Variants in CYP4Z1 observed in about 807,000 individuals in gnomAD.
CYP4Z1 encodes the protein cytochrome P450 family 4 subfamily Z member 1.
CYP4Z1 carries 41 observed loss-of-function variants against 54.2 expected under a neutral mutation model. The ratio of observed to expected loss-of-function variants is 0.76; its 90% confidence interval spans 0.59 to 0.98. The LOEUF is 0.98. Ranked by LOEUF, CYP4Z1 falls within the 50% of genes least tolerant of loss-of-function variation. The pLI, the probability that CYP4Z1 is intolerant of heterozygous loss-of-function variation, is 0.00. For synonymous variants in CYP4Z1, 163 were observed against 206.2 expected, an observed-to-expected ratio of 0.79 and a Z score of 1.79; for missense variants, 513 against 599.0, an observed-to-expected ratio of 0.86 and a Z score of 1.50.
intron 9 of CYP4Z1, among the ~76,000 whole-genome samples, chr1:47,114,858 C>T (rs1644818427): frequency 6.6e-6 from 1 of 152,204 alleles, no homozygotes; most frequent in South Asian, 2.1e-4. Flanking sequence ...GGACTGTAAA[C>T]TAGTTCAACC....
the CYP4Z1 span, among the ~76,000 whole-genome samples, chr1:47,059,034 A>C: frequency 6.6e-6 from 1 of 152,202 alleles, no homozygotes; most frequent in African/African-American, 2.4e-5. Context: ...AGGCTAATAT[A>C]ATACAATATA....
chr1:47,062,711 T>C (rs9729443), upstream of CYP4Z1, among the ~76,000 whole-genome samples: 63,846 of 151,578 alleles, frequency 0.42, 14,802 homozygotes, highest in East Asian at 0.97. Context: ...AAAGGCTGAG[T>C]TTAAACATGC....
chr1:47,087,338 T>G (rs1407622972), intron 6 of CYP4Z1, among the ~76,000 whole-genome samples: 1 of 152,242 alleles, frequency 6.6e-6, no homozygotes, highest in East Asian at 1.9e-4. Flanking sequence ...CATGGAATGT[T>G]CTTCCATTTG....
intron 4 of CYP4Z1, among the ~76,000 whole-genome samples, chr1:47,084,136 G>A (rs1449775746): frequency 6.6e-6 from 1 of 152,084 alleles, no homozygotes; most frequent in Non-Finnish European, 1.5e-5. Flanking sequence ...TTTCTGTCTT[G>A]ACTCTTAACT....
chr1:47,055,625 A>G, the CYP4Z1 span, among the ~76,000 whole-genome samples: 16 of 152,194 alleles, frequency 1.1e-4, no homozygotes, highest in Admixed American at 2.6e-4. Context: ...CAGAGATTCA[A>G]CTTCTTCCTG....
chr1:47,067,728 A>G (rs1237242990), intron 1 of CYP4Z1, 61 bp downstream of exon 1: 13 of 1,455,124 alleles, frequency 8.9e-6, no homozygotes, highest in Non-Finnish European at 1.1e-5. Flanking sequence ...TTAAAAAAAA[A>G]CAGCACAGAC....
chr1:47,067,944 A>G (rs1206116561), intron 1 of CYP4Z1, among the ~76,000 whole-genome samples: 2 of 152,210 alleles, frequency 1.3e-5, no homozygotes, highest in Non-Finnish European at 2.9e-5. Flanking sequence ...CTTCTGATTC[A>G]AGGCCAAGGT....
At chr1:47,091,765 G>C (rs1013915001) in intron 6 of CYP4Z1, among the ~76,000 whole-genome samples, 26 of 149,036 alleles carry the variant, frequency 1.7e-4, no homozygotes, top group African/African-American at 6.4e-4. Context: ...GCTTTTTTTT[G>C]CTAGTAGAGC....
In CYP4Z1 at chr1:47,111,585, CAAAT is replaced by C. The variant is rs1238986290; in HGVS notation, c.1202-3940_1202-3937del. On this transcript the variant is annotated intron_variant, in intron 9 of 11. Coordinates refer to ENST00000334194, the MANE Select transcript of CYP4Z1 (RefSeq NM_178134.3). ...CTTTCAAAGACCTACGCAAACCAAACAAATAAAGTATACAGACGATCTAAACAAT... is the reference window on the plus strand; with the variant it reads ...CTTTCAAAGACCTACGCAAACCAAACAAAGTATACAGACGATCTAAACAAT... 6.6e-5 allele frequency among the ~76,000 whole-genome samples: 10 copies of C among 152,270 alleles called. No individual in the cohort carries two copies. In the South Asian group the frequency reaches 1.0e-3, roughly 16 times the overall value.
intron 8 of CYP4Z1, among the ~76,000 whole-genome samples, chr1:47,102,127 A>G (rs1001642875): frequency 6.6e-6 from 1 of 152,080 alleles, no homozygotes; most frequent in Non-Finnish European, 1.5e-5. Flanking sequence ...CTTTACTTTC[A>G]GTCTATATGT....
upstream of CYP4Z1, among the ~76,000 whole-genome samples, chr1:47,062,687 A>G (rs550473426): frequency 6.6e-6 from 1 of 152,214 alleles, no homozygotes; most frequent in South Asian, 2.1e-4. Context: ...AGCTGCAGCA[A>G]GCCCCGCCCA....
At chr1:47,105,223 A>G (rs1321128460) in intron 8 of CYP4Z1, among the ~76,000 whole-genome samples, 1 of 152,082 alleles carries the variant, frequency 6.6e-6, no homozygotes, top group Non-Finnish European at 1.5e-5. Context: ...GTGGTGGGGA[A>G]TGTCACTGGG....
upstream of CYP4Z1, among the ~76,000 whole-genome samples, chr1:47,063,888 G>A (rs1255206415): frequency 1.3e-5 from 2 of 152,014 alleles, no homozygotes; most frequent in Non-Finnish European, 2.9e-5. Flanking sequence ...GAAGCTCAAA[G>A]AACACCTGGG....
At chr1:47,057,501 T>G in the CYP4Z1 span, among the ~76,000 whole-genome samples, 11 of 119,948 alleles carry the variant, frequency 9.2e-5, no homozygotes, top group Admixed American at 4.2e-4. Context: ...TTTAGCTTTT[T>G]TCATTTTTTT....
intron 2 of CYP4Z1, among the ~76,000 whole-genome samples, chr1:47,073,052 G>C (rs1489084822): frequency 2.3e-5 from 3 of 133,310 alleles, no homozygotes; most frequent in East Asian, 5.4e-4. Context: ...TTTTTCATCA[G>C]TCCAGACAGA....
chr1:47,107,005 A>G (rs1847223), intron 9 of CYP4Z1, among the ~76,000 whole-genome samples: 65,381 of 152,050 alleles, frequency 0.43, 15,410 homozygotes, highest in East Asian at 0.96. Flanking sequence ...TGATTGGGCA[A>G]TCTAATTAAA....
rs539294690 is a variant in CYP4Z1, at chr1:47,094,637, T to C, written c.844T>C (p.Trp282Arg). The stretch of plus-strand genomic sequence containing the variant: ...ACAAGATACTACTCAGAAAAGGCGC[T>C]GGGATTTTCTGGACATACTTTTGAG... The part of the protein sequence containing the change: ...LKQDTTQKRR[W>R]DFLDILLSAK... The change falls in exon 7 of 12, where the codon TGG becomes CGG. Residue 282 changes from tryptophan (W) to arginine (R), a missense_variant. Coordinates refer to ENST00000334194, the MANE Select transcript of CYP4Z1 (RefSeq NM_178134.3). 5.3e-5 allele frequency: 86 copies of C among 1,611,314 alleles called. No homozygotes were observed. Among genetic ancestry groups the C allele is most frequent in the African/African-American group, 1.3e-4 (10 of 74,818 alleles).
intron 2 of CYP4Z1, chr1:47,075,990 TA>T (rs1275325395): frequency 7.6e-6 from 1 of 130,758 alleles, no homozygotes; most frequent in Non-Finnish European, 1.6e-5. Context: ...CAGGGACCTG[TA>T]AGGTTCTGCA....
rs1240865751 is a variant in CYP4Z1, at chr1:47,068,606, ACTTAT to A, written c.178-10_178-6del. 9.9e-6 allele frequency: 16 copies of A among 1,613,340 alleles called. No homozygotes were observed. The highest frequency in any genetic ancestry group is 1.4e-5 in the Non-Finnish European group (16 of 1,179,640). ...TGACAACCTTTACTAACCAGTCATG[ACTTAT>A]CTTATGACAGTTTTACCCAGTAAAG... On this transcript the variant is annotated splice_polypyrimidine_tract_variant and intron_variant, in intron 1 of 11. Transcript: ENST00000334194.
Sources: allele counts gnomAD v4.1 joint callset (sites outside exome capture counted in the v4.1 genomes callset), GRCh38; gene constraint gnomAD v4.1.1; transcripts MANE v1.5; gene names NCBI Gene and HGNC (gene_info 2026-07-23, HGNC 2026-07-21).